The following PEX1 variants were observed in gnomAD, a reference collection of about 807,000 sequenced individuals.
PEX1 encodes the protein peroxisomal ATPase PEX1.
In PEX1, 97 loss-of-function variants were observed where a neutral mutation model predicts 152.5. The observed-to-expected ratio is 0.64, with a 90% confidence interval of 0.54 to 0.75. The LOEUF (loss-of-function observed/expected upper bound fraction) is 0.75. Ranked by LOEUF, PEX1 falls within the 30% of genes least tolerant of loss-of-function variation. The pLI is 0.00. For missense variants in PEX1, 1,357 were observed against 1,516.3 expected (o/e 0.89, Z 1.74); for synonymous variants, 485 against 531.6 (o/e 0.91, Z 1.21).
At chr7:92,519,130 T>C (rs777272828) in intron 2 of PEX1, 52 bp from the exon 3 acceptor site, 13 of 993,092 alleles carry the variant, frequency 1.3e-5, no homozygotes, top group African/African-American at 8.1e-5. Flanking sequence ...TTCTGTGTCA[T>C]ATATTAGAAA....
At position 92,522,181 on chromosome 7, in the gene PEX1, T is replaced by C. The variant is rs1793077740; in HGVS notation, c.194A>G (p.His65Arg). The change falls in exon 2 of 24, where the codon CAT becomes CGT. Residue 65 changes from histidine to arginine, a missense_variant. Transcript: ENST00000248633. ...PAFLSWVEGR[H>R]FSDQGENVAE... ...CACATTTTCACCTTGATCACTAAAA[T>C]GCCTGCCTTCCACCCAGCTCAAGAA... 6.2e-7 allele frequency: 1 copy of C among 1,614,156 alleles called. No homozygotes were observed. Among genetic ancestry groups the C allele is most frequent in the South Asian group, 1.1e-5 (1 of 91,084 alleles).
Position 92,501,543 on chromosome 7 carries a change from C to A in PEX1, c.2547G>T (p.Arg849Ser). The A allele has an allele frequency of 6.2e-7, 1 of 1,613,808 alleles. No individual in the cohort carries two copies. Among genetic ancestry groups the A allele is most frequent in the East Asian group, 2.2e-5 (1 of 44,868 alleles). The change falls in exon 15 of 24, where the codon AGG (arginine) becomes AGT (serine). Residue 849 changes from arginine to serine, a missense_variant. Arg to Ser is a moderately radical substitution (Grantham distance 110). Coordinates refer to ENST00000248633, the MANE Select transcript of PEX1 (RefSeq NM_000466.3). ...WDKIGGLHEVRQILMDTIQLP... is the reference protein window; with the variant it reads ...WDKIGGLHEVSQILMDTIQLP... ...ACTGGATAGTATCCATGAGTATCTG[C>A]CTAACTTCATGTAACCCACCAATCT...
intron 1 of PEX1, 117 bp from the exon 2 acceptor site, chr7:92,522,362 C>A: frequency 1.1e-6 from 1 of 945,484 alleles, no homozygotes; most frequent in East Asian, 2.5e-5. Context: ...AGATAGTTCT[C>A]TGTTATCTAC....
At chr7:92,490,200 T>G in intron 21 of PEX1, 1 of 384,374 alleles carries the variant, frequency 2.6e-6, no homozygotes. Context: ...AGGACAGGTT[T>G]CTTCATTTTC....
intron 6 of PEX1, among the ~76,000 whole-genome samples, chr7:92,512,072 G>A (rs569686163): frequency 7.7e-4 from 117 of 152,228 alleles, no homozygotes; most frequent in Non-Finnish European, 1.4e-3. Flanking sequence ...TCGCTGTATC[G>A]CCCAGGCTGG....
Position 92,494,700 on chromosome 7 carries a change from TATG to T in PEX1, c.2784-74_2784-72del, listed in dbSNP as rs1387602017. 3 of 1,185,856 alleles carry T rather than the reference TATG, an allele frequency of 2.5e-6. No homozygotes were observed. The African/African-American group carries it at 4.6e-5, about 18-fold the overall frequency. The allele number at this position is 1,185,856 out of a possible 1,614,324, so 73.5% of individuals were successfully genotyped here. A position where few individuals can be genotyped will look rare whatever the true frequency, so the allele number is the denominator to read the frequency against. On this transcript the variant is annotated intron_variant, in intron 17 of 23. Transcript: ENST00000248633. ...TTGGCAAAGTGATTTCATATACATA[TATG>T]AATGTATTTATTTTATGTATTTATA...
Position 92,511,565 on chromosome 7 carries a change from A to G in PEX1, c.1483+15T>C. 1 of 1,603,982 alleles carries G rather than the reference A, an allele frequency of 6.2e-7. No homozygotes were observed. The highest frequency in any genetic ancestry group is 1.1e-5 in the South Asian group (1 of 90,762). On this transcript the variant is annotated intron_variant, in intron 7 of 23. Transcript: ENST00000248633. ...TTTAAATAGAAAAAAAAGTCAAAAT[A>G]ACAAATGTACTCACCATCTTTAGTT... is the stretch of plus-strand genomic sequence containing the variant.
chr7:92,511,111 T>C, intron 7 of PEX1, 64 bp from the exon 8 acceptor site: 1 of 829,540 alleles, frequency 1.2e-6, no homozygotes, highest in Non-Finnish European at 2.0e-6. Context: ...AATTTAAGAT[T>C]TTAAATGTCA....
chr7:92,498,749 G>A (rs1791780359), intron 16 of PEX1, among the ~76,000 whole-genome samples: 1 of 151,986 alleles, frequency 6.6e-6, no homozygotes, highest in South Asian at 2.1e-4. Flanking sequence ...CCTTATACCT[G>A]AAAAAAACTT....
At chr7:92,503,384 T>C (rs1252268417) in intron 12 of PEX1, among the ~76,000 whole-genome samples, 189 bp from the exon 13 acceptor site, 1 of 152,184 alleles carries the variant, frequency 6.6e-6, no homozygotes, top group Non-Finnish European at 1.5e-5. Flanking sequence ...GAGGACCTAA[T>C]AAATCTAATG....
intron 2 of PEX1, among the ~76,000 whole-genome samples, chr7:92,520,856 C>T (rs1585259238): frequency 6.6e-6 from 1 of 152,228 alleles, no homozygotes; most frequent in Non-Finnish European, 1.5e-5. Flanking sequence ...TGAATGATCT[C>T]ATTCTTCCAA....
chr7:92,498,143 G>A (rs969004549), intron 16 of PEX1, among the ~76,000 whole-genome samples: 14 of 149,830 alleles, frequency 9.3e-5, no homozygotes, highest in African/African-American at 2.0e-4. Context: ...TAGTTTCTCC[G>A]TCATTGCCAG....
chr7:92,524,282 TC>T (rs1265584418), intron 1 of PEX1, among the ~76,000 whole-genome samples: 3 of 150,014 alleles, frequency 2.0e-5, no homozygotes, highest in East Asian at 2.0e-4. Flanking sequence ...TTTTTTTTTT[TC>T]TTGAGACGGA....
chr7:92,505,599 G>C (rs1052659854), intron 11 of PEX1, among the ~76,000 whole-genome samples: 2 of 152,092 alleles, frequency 1.3e-5, no homozygotes, highest in African/African-American at 4.8e-5. Flanking sequence ...AAATGCAAAT[G>C]CATCTGCCTA....
At chr7:92,497,772 G>C in intron 16 of PEX1, among the ~76,000 whole-genome samples, 1 of 152,068 alleles carries the variant, frequency 6.6e-6, no homozygotes, top group Non-Finnish European at 1.5e-5. Flanking sequence ...GAGGGAACAA[G>C]AAATAACTAA....
rs144664835 is a variant in PEX1 at position 92,490,771 on chromosome 7, G to A, written c.3438+501C>T. ...TGAACCACTATTAATTTTTAGAAGA[G>A]ATGTTGAATGCTAGTAGAACAGTGA... On this transcript the variant is annotated intron_variant, in intron 21 of 23. Transcript: ENST00000248633. 5.3e-3 allele frequency among the ~76,000 whole-genome samples: 802 copies of A among 152,100 alleles called. 9 individuals are homozygous for A. The highest frequency in any genetic ancestry group is 0.018 in the African/African-American group (754 of 41,478).
chr7:92,509,745 TAAAG>T lies in PEX1; in HGVS notation c.1588-338_1588-335del, dbSNP rs373137454. Among the ~76,000 whole-genome samples the T allele has an allele frequency of 5.2e-3, 794 of 152,324 alleles. 3 individuals are homozygous for T. Among genetic ancestry groups the T allele is most frequent in the African/African-American group, 0.017 (727 of 41,572 alleles). On this transcript the variant is annotated intron_variant, in intron 8 of 23. Transcript: ENST00000248633. ...TATTCCTTCAATAACATTTCAAAAA[TAAAG>T]AAACAATGTCTAGTTCCAAAACAAT...
At chr7:92,521,082 G>A (rs776259252) in intron 2 of PEX1, among the ~76,000 whole-genome samples, 4 of 152,152 alleles carry the variant, frequency 2.6e-5, no homozygotes, top group Non-Finnish European at 5.9e-5. Context: ...ACCTCAGTCT[G>A]CTGAGTAGCT....
chr7:92,511,780 C>A (rs1432971832), intron 6 of PEX1, 77 bp from the exon 7 acceptor site: 1 of 1,347,502 alleles, frequency 7.4e-7, no homozygotes, highest in East Asian at 2.3e-5. Flanking sequence ...AACATCTGAT[C>A]TTCCTAATAA....
Sources: gnomAD v4.1 joint callset for allele counts (sites outside exome capture counted in the v4.1 genomes callset) on GRCh38, gnomAD v4.1.1 for gene constraint, MANE v1.5 for transcripts, NCBI Gene and HGNC (gene_info 2026-07-23, HGNC 2026-07-21) for gene names.